EVC: variants seen among roughly 807,000 people sequenced by gnomAD.
EVC encodes the protein evC complex member EVC.
A neutral mutation model predicts 118.9 loss-of-function variants in EVC; 116 were observed. The observed-to-expected ratio is 0.98, with a 90% confidence interval of 0.84 to 1.14. EVC has a LOEUF of 1.14. Ranked by LOEUF, EVC falls within the 50% of genes most tolerant of loss-of-function variation. The pLI is 0.00. For missense variants in EVC, 1,401 were observed against 1,246.4 expected (o/e 1.12, Z -1.87); for synonymous variants, 619 against 534.7 (o/e 1.16, Z -2.18).
Position 5,727,119 on chromosome 4 carries a change from C to T in EVC, c.301-2188C>T, listed in dbSNP as rs865971240. Among the ~76,000 whole-genome samples the T allele has an allele frequency of 4.5e-3, 683 of 151,838 alleles. 4 individuals carry two copies. The highest frequency in any genetic ancestry group is 0.03 in the South Asian group (144 of 4,800). On this transcript the variant is annotated intron_variant, in intron 2 of 20. Transcript: ENST00000264956. ...GGGTGGCTGGGTCAAATGGTATTTCCAGTTCTAGATCCCTGAGGAATCGCC... is the reference window on the plus strand; with the variant it reads ...GGGTGGCTGGGTCAAATGGTATTTCTAGTTCTAGATCCCTGAGGAATCGCC...
intron 3 of EVC, among the ~76,000 whole-genome samples, chr4:5,729,842 T>C (rs1726499774): frequency 6.6e-6 from 1 of 152,140 alleles, no homozygotes; most frequent in Admixed American, 6.5e-5. Flanking sequence ...ATGTCTCCAC[T>C]TTACACGTAA....
chr4:5,758,381 G>A lies in EVC; in HGVS notation c.1563+2019G>A, dbSNP rs145469977. 4.9e-4 allele frequency: 227 copies of A among 460,626 alleles called. 1 individual carries two copies. Among genetic ancestry groups the A allele is most frequent in the African/African-American group, 3.0e-3 (150 of 50,266 alleles). 28.5% of individuals were successfully genotyped at this position (460,626 alleles called of 1,614,324 possible). A position where few individuals can be genotyped will look rare whatever the true frequency, so the allele number is the denominator to read the frequency against. On this transcript the variant is annotated intron_variant, in intron 11 of 20. Coordinates refer to ENST00000264956, the MANE Select transcript of EVC (RefSeq NM_153717.3). ...GGAAGGCGATCTTTGTTCAGGGCTA[G>A]CTCCTATCTTAAGTGCCTCTTGAGT...
At chr4:5,722,928 A>C (rs1328876196) in intron 2 of EVC, among the ~76,000 whole-genome samples, 8 of 152,214 alleles carry the variant, frequency 5.3e-5, no homozygotes, top group African/African-American at 1.9e-4. Context: ...TAAAAAACTA[A>C]AGGCAGTGGC....
At position 5,745,250 on chromosome 4, in the gene EVC, C is replaced by G; in HGVS notation, c.848C>G (p.Thr283Arg). ...EKGLQVKLSNTEMSGAGDSEY... is the reference protein window; with the variant it reads ...EKGLQVKLSNREMSGAGDSEY... ...GGACTTCAGGTCAAACTGTCAAACA[C>G]AGAAATGTCGGGGGCTGGTGACTCT... The change falls in exon 7 of 21, where the codon ACA becomes AGA. Residue 283 changes from threonine (T) to arginine (R), a missense_variant. Coordinates refer to ENST00000264956, the MANE Select transcript of EVC (RefSeq NM_153717.3). The G allele has an allele frequency of 6.2e-7, 1 of 1,613,936 alleles. No individual in the cohort carries two copies. Among genetic ancestry groups the G allele is most frequent in the Non-Finnish European group, 8.5e-7 (1 of 1,179,948 alleles).
chr4:5,741,854 G>C (rs1454218895), intron 6 of EVC, 40 bp downstream of exon 6: 8 of 1,120,896 alleles, frequency 7.1e-6, no homozygotes, highest in African/African-American at 1.6e-5. Context: ...CTTAAAAATA[G>C]TTTATTATAA....
intron 13 of EVC, among the ~76,000 whole-genome samples, chr4:5,796,251 C>T (rs79524137): frequency 0.016 from 2,386 of 151,752 alleles, 63 homozygotes; most frequent in African/African-American, 0.054. Context: ...TTGTGTCTGA[C>T]GATTCTGTTT....
chr4:5,821,971 C>G, the EVC span: 2 of 718,014 alleles, frequency 2.8e-6, no homozygotes, highest in Non-Finnish European at 4.1e-6. The surrounding 1 kb of genome is among the most constrained non-coding windows in gnomAD (Gnocchi z 4.4). Context: ...AGGGCTCAGT[C>G]CAGGACCAGC....
chr4:5,810,974 A>G lies in EVC; in HGVS notation c.2916A>G (p.Gln972=), dbSNP rs1285231247. The G allele has an allele frequency of 1.2e-6, 2 of 1,613,028 alleles. No individual in the cohort carries two copies. The highest frequency in any genetic ancestry group is 1.7e-6 in the Non-Finnish European group (2 of 1,179,424). ...TAAGCAGCAAAAGGCTGAGTCAGCA[A>G]GAAAGTGAAGCTGGGGACAGTGGGA... The part of the protein sequence containing the change: ...GSLSSKRLSQ[Q]ESEAGDSGNS... The change falls in exon 21 of 21, where the codon CAA becomes CAG. Residue 972 remains glutamine, a synonymous_variant. Transcript: ENST00000264956.
intron 5 of EVC, among the ~76,000 whole-genome samples, chr4:5,734,805 AC>A (rs1727410105): frequency 6.6e-6 from 1 of 151,900 alleles, no homozygotes. Context: ...ATGGCCCTTC[AC>A]CCCCTCTATC....
At chr4:5,827,221 A>G in the EVC span, among the ~76,000 whole-genome samples, 2 of 152,202 alleles carry the variant, frequency 1.3e-5, no homozygotes, top group Non-Finnish European at 2.9e-5. Context: ...CTTCAGACCA[A>G]GAAGGAAATG....
chr4:5,728,322 T>G (rs1726200788), intron 2 of EVC, among the ~76,000 whole-genome samples: 1 of 151,930 alleles, frequency 6.6e-6, no homozygotes, highest in Admixed American at 6.6e-5. Flanking sequence ...GGTATTTTAT[T>G]CTCTTTGAAG....
At chr4:5,734,388 A>G (rs1369227196) in intron 5 of EVC, among the ~76,000 whole-genome samples, 1 of 152,096 alleles carries the variant, frequency 6.6e-6, no homozygotes, top group African/African-American at 2.4e-5. Context: ...CGACTATAAT[A>G]TCAGGGTTTG....
the EVC span, among the ~76,000 whole-genome samples, chr4:5,822,396 T>G: frequency 2.0e-5 from 3 of 151,910 alleles, no homozygotes; most frequent in Non-Finnish European, 4.4e-5. Flanking sequence ...ATATTGTGTG[T>G]GTACACATTT....
chr4:5,719,395 G>A lies in EVC; in HGVS notation c.300+22G>A. The A allele has an allele frequency of 6.2e-7, 1 of 1,614,028 alleles. No homozygotes were observed. Among genetic ancestry groups the A allele is most frequent in the Non-Finnish European group, 8.5e-7 (1 of 1,179,970 alleles). ...TGATGTAAGCTTGGTGTTGATGTTT[G>A]TTTGTGGAGGCACATGTGGGAGGTG... On this transcript the variant is annotated intron_variant, in intron 2 of 20. Transcript: ENST00000264956. The surrounding 1 kb of genome is among the most constrained non-coding windows in gnomAD (Gnocchi z 4.7).
intron 8 of EVC, 122 bp downstream of exon 8, chr4:5,748,428 G>GAA: frequency 9.5e-7 from 1 of 1,049,400 alleles, no homozygotes; most frequent in Non-Finnish European, 1.4e-6. Context: ...GAGCCTCAGG[G>GAA]AAAAAAAAAC....
At chr4:5,730,053 G>T (rs908584514) in intron 3 of EVC, among the ~76,000 whole-genome samples, 1 of 152,140 alleles carries the variant, frequency 6.6e-6, no homozygotes, top group East Asian at 1.9e-4. Context: ...TGGTATTCAG[G>T]ATGACGAGCT....
At chr4:5,801,705 G>A in intron 15 of EVC, 1 of 476,796 alleles carries the variant, frequency 2.1e-6, no homozygotes, top group Non-Finnish European at 3.8e-6. Flanking sequence ...TGCGGGGAAG[G>A]CCTCTTAGCC....
rs1254795242 is a variant in EVC at position 5,754,234 on chromosome 4, A to G, written c.1464+301A>G. ...TGGCAGGAGCACACAGATGGTGGCA[A>G]TGGCGTGAAGGGAGCAATGTGTGGC... On this transcript the variant is annotated intron_variant, in intron 10 of 20. Transcript: ENST00000264956. The surrounding 1 kb of genome is among the most constrained non-coding windows in gnomAD (Gnocchi z 5.8). Among the ~76,000 whole-genome samples the G allele has an allele frequency of 1.3e-5, 2 of 152,160 alleles. No homozygotes were observed. The highest frequency in any genetic ancestry group is 2.1e-4 in the South Asian group (1 of 4,820).
the EVC span, chr4:5,824,288 CTT>C: frequency 1.0e-6 from 1 of 985,294 alleles, no homozygotes; most frequent in Non-Finnish European, 1.2e-6. Context: ...CATCACATGA[CTT>C]TTAGCATTCT....
Sources: allele counts gnomAD v4.1 joint callset (sites outside exome capture counted in the v4.1 genomes callset), GRCh38; gene constraint gnomAD v4.1.1; non-coding constraint Gnocchi (gnomAD v3.1); transcripts MANE v1.5; gene names NCBI Gene and HGNC (gene_info 2026-07-23, HGNC 2026-07-21).